The following MYO16 variants were observed in gnomAD, a reference collection of about 807,000 sequenced individuals.
MYO16 encodes the protein myosin XVI.
MYO16 carries 94 observed loss-of-function variants against 205.3 expected under a neutral mutation model. The ratio of observed to expected loss-of-function variants is 0.46; its 90% CI spans 0.39 to 0.54. The LOEUF is 0.54. Among genes scored for constraint, MYO16 ranks in the 20% least tolerant of loss-of-function variants. MYO16 has a pLI of 0.00. For missense variants in MYO16, 2,315 were observed against 2,387.5 expected (o/e 0.97, Z 0.63); for synonymous variants, 988 against 954.0 (o/e 1.04, Z -0.66).
At chr13:108,576,916 A>G in the MYO16 span, among the ~76,000 whole-genome samples, 1 of 152,008 alleles carries the variant, frequency 6.6e-6, no homozygotes, top group Non-Finnish European at 1.5e-5. Context: ...ATACGCCACC[A>G]CATCTGGCTA....
upstream of MYO16, among the ~76,000 whole-genome samples, chr13:108,592,728 C>CTGTGTGTGTGTGTGTGTG (rs55845447): frequency 7.1e-3 from 992 of 139,338 alleles, 20 homozygotes; most frequent in African/African-American, 0.024. Flanking sequence ...GTGAGGGTGG[C>CTGTGTGTGTGTGTGTGTG]TGTGTGTGTG....
At chr13:109,034,245 A>G (rs917500425) in intron 23 of MYO16, among the ~76,000 whole-genome samples, 6 of 152,322 alleles carry the variant, frequency 3.9e-5, no homozygotes, top group Non-Finnish European at 7.3e-5. Flanking sequence ...CAAATTTTAC[A>G]AATGTATATG....
chr13:109,024,253 A>G (rs1255771693), intron 23 of MYO16, among the ~76,000 whole-genome samples: 1 of 151,668 alleles, frequency 6.6e-6, no homozygotes, highest in Non-Finnish European at 1.5e-5. Context: ...TGTTGAATTC[A>G]TAGGGAGTAT....
intron 31 of MYO16, among the ~76,000 whole-genome samples, chr13:109,136,012 C>G (rs989985220): frequency 7.2e-5 from 11 of 152,104 alleles, no homozygotes; most frequent in African/African-American, 2.7e-4. Flanking sequence ...TGAAAATTCC[C>G]TGAATTTTAT....
intron 27 of MYO16, among the ~76,000 whole-genome samples, chr13:109,095,511 G>A (rs773384045): frequency 6.6e-6 from 1 of 152,142 alleles, no homozygotes; most frequent in Non-Finnish European, 1.5e-5. Context: ...CTAACATAGA[G>A]TATGTCATCC....
At chr13:108,775,318 AAAG>A (rs1239983866) in intron 4 of MYO16, among the ~76,000 whole-genome samples, 7 of 152,352 alleles carry the variant, frequency 4.6e-5, no homozygotes, top group East Asian at 3.9e-4. Context: ...TGAAATGTAA[AAAG>A]AACATTTTTA....
intron 8 of MYO16, among the ~76,000 whole-genome samples, chr13:108,821,784 C>T (rs1167547188): frequency 3.3e-5 from 5 of 152,120 alleles, no homozygotes; most frequent in Admixed American, 2.0e-4. Context: ...CTGGTCATCT[C>T]AGCACAGTGC....
At chr13:109,013,103 A>ACC (rs1248419494) in intron 22 of MYO16, among the ~76,000 whole-genome samples, 75 of 14,616 alleles carry the variant, frequency 5.1e-3, no homozygotes, top group Middle Eastern at 0.05. Flanking sequence ...TCCTAATGCT[A>ACC]CCCCTCCCCC....
chr13:108,744,247 T>C (rs1158741047), intron 4 of MYO16, among the ~76,000 whole-genome samples: 5 of 150,004 alleles, frequency 3.3e-5, no homozygotes, highest in Non-Finnish European at 5.9e-5. Flanking sequence ...TCCTATTTAT[T>C]TGCTGCCTTT....
At chr13:108,754,128 G>A (rs1297287165) in intron 4 of MYO16, among the ~76,000 whole-genome samples, 2 of 152,190 alleles carry the variant, frequency 1.3e-5, no homozygotes, top group Non-Finnish European at 2.9e-5. Context: ...ACAAACTGTA[G>A]CATGCAGGAC....
chr13:108,781,267 T>C lies in MYO16; in HGVS notation c.508-4368T>C, dbSNP rs549320216. 3.9e-5 allele frequency among the ~76,000 whole-genome samples: 6 copies of C among 152,370 alleles called. No homozygotes were observed. The East Asian group carries it at 9.6e-4, about 24-fold the overall frequency. ...TCCCTGCAGTTCTGTCTGTTGTTAATTGATTGTTTAGCAGTCGATATTTGA... is the reference window on the plus strand; with the variant it reads ...TCCCTGCAGTTCTGTCTGTTGTTAACTGATTGTTTAGCAGTCGATATTTGA... On this transcript the variant is annotated intron_variant, in intron 4 of 34. Coordinates refer to ENST00000457511, the MANE Select transcript of MYO16 (RefSeq NM_001198950.3).
At chr13:108,809,211 C>T (rs1016549175) in intron 7 of MYO16, among the ~76,000 whole-genome samples, 5 of 152,192 alleles carry the variant, frequency 3.3e-5, no homozygotes, top group African/African-American at 1.2e-4. Flanking sequence ...AGTTAAGAAA[C>T]ACTTCCCAAC....
chr13:108,579,768 T>G, the MYO16 span, among the ~76,000 whole-genome samples: 3 of 152,136 alleles, frequency 2.0e-5, no homozygotes, highest in Non-Finnish European at 4.4e-5. Flanking sequence ...GTTTTTTGTT[T>G]TGTTTTGTTT....
chr13:108,706,451 A>G (rs1188683847), intron 2 of MYO16, among the ~76,000 whole-genome samples: 1 of 152,174 alleles, frequency 6.6e-6, no homozygotes, highest in East Asian at 1.9e-4. Context: ...GAAGGGAAAA[A>G]TGGTAATTCG....
At chr13:109,046,814 G>T in intron 23 of MYO16, 102 bp from the exon 24 acceptor site, 1 of 937,094 alleles carries the variant, frequency 1.1e-6, no homozygotes, top group South Asian at 1.5e-5. Flanking sequence ...CTTCTTTTAT[G>T]AATATTTGAA....
intron 1 of MYO16, among the ~76,000 whole-genome samples, chr13:108,640,401 G>T (rs1880451943): frequency 6.6e-6 from 1 of 152,112 alleles, no homozygotes; most frequent in Non-Finnish European, 1.5e-5. Flanking sequence ...GACTTGAGCT[G>T]CAATTGGAAG....
Position 109,070,089 on chromosome 13 carries a change from T to C in MYO16, c.3335+14494T>C, listed in dbSNP as rs78596559. Among the ~76,000 whole-genome samples, 1,202 of 152,316 alleles carry C rather than the reference T, an allele frequency of 7.9e-3. 16 individuals carry two copies. Among genetic ancestry groups the C allele is most frequent in the African/African-American group, 0.027 (1,124 of 41,564 alleles). ...GTATGTGGCTAAAGACAATGGTGATTTTATAGTGTATGGACCAAACCAAGA... is the reference window on the plus strand; with the variant it reads ...GTATGTGGCTAAAGACAATGGTGATCTTATAGTGTATGGACCAAACCAAGA... On this transcript the variant is annotated intron_variant, in intron 27 of 34. Coordinates refer to ENST00000457511, the MANE Select transcript of MYO16 (RefSeq NM_001198950.3).
chr13:109,093,421 G>C (rs1471149947), intron 27 of MYO16, among the ~76,000 whole-genome samples: 1 of 152,140 alleles, frequency 6.6e-6, no homozygotes, highest in African/African-American at 2.4e-5. Context: ...CCACAGATAA[G>C]TAATTGGCAA....
chr13:109,149,926 A>G (rs1877560588), intron 32 of MYO16, among the ~76,000 whole-genome samples: 1 of 152,206 alleles, frequency 6.6e-6, no homozygotes, highest in Admixed American at 6.5e-5. Context: ...ATTACTGAAA[A>G]GAAATTCACA....
Sources: allele counts gnomAD v4.1 joint callset (sites outside exome capture counted in the v4.1 genomes callset), GRCh38; gene constraint gnomAD v4.1.1; transcripts MANE v1.5; gene names NCBI Gene and HGNC (gene_info 2026-07-23, HGNC 2026-07-21).